TMEM117: variants seen among roughly 807,000 people sequenced by gnomAD.
TMEM117 encodes transmembrane protein 117.
Under a neutral mutation model 52.4 loss-of-function variants are expected in TMEM117, and 27 were observed. The observed-to-expected ratio is 0.51, with a 90% CI of 0.38 to 0.71. TMEM117 has a LOEUF of 0.71. TMEM117 is among the 30% of genes least tolerant of loss of function. TMEM117 has a pLI of 0.00. For missense variants in TMEM117, 556 were observed against 630.5 expected, an observed-to-expected ratio of 0.88 and a Z score of 1.26; for synonymous variants, 215 against 206.3, an observed-to-expected ratio of 1.04 and a Z score of -0.36.
At chr12:44,318,129 G>T (rs1951082958) in intron 6 of TMEM117, among the ~76,000 whole-genome samples, 1 of 152,184 alleles carries the variant, frequency 6.6e-6, no homozygotes, top group Non-Finnish European at 1.5e-5. Flanking sequence ...CTGCACCACA[G>T]TCTCTCCACA....
At chr12:44,095,124 C>T (rs973977298) in intron 3 of TMEM117, among the ~76,000 whole-genome samples, 1 of 152,034 alleles carries the variant, frequency 6.6e-6, no homozygotes, top group African/African-American at 2.4e-5. Flanking sequence ...TAGTGAAAAG[C>T]ACTGTAAGGG....
intron 5 of TMEM117, among the ~76,000 whole-genome samples, chr12:44,233,834 G>A (rs757540047): frequency 8.6e-5 from 13 of 151,196 alleles, no homozygotes; most frequent in Admixed American, 6.6e-5. Context: ...CAAGTTATTC[G>A]TTCTCATTTT....
At chr12:44,348,931 A>G (rs986125683) in intron 6 of TMEM117, among the ~76,000 whole-genome samples, 4 of 152,024 alleles carry the variant, frequency 2.6e-5, no homozygotes, top group African/African-American at 9.7e-5. Context: ...TGATTGTCAG[A>G]GAGATGATTC....
chr12:44,139,765 A>G (rs956862839), intron 3 of TMEM117, among the ~76,000 whole-genome samples: 1 of 152,162 alleles, frequency 6.6e-6, no homozygotes, highest in African/African-American at 2.4e-5. Context: ...AATAAAGTTT[A>G]ATTCTGAATT....
chr12:44,080,146 G>C (rs1264046559), intron 3 of TMEM117, among the ~76,000 whole-genome samples: 1 of 151,432 alleles, frequency 6.6e-6, no homozygotes, highest in Non-Finnish European at 1.5e-5. Context: ...CTTTTCTCAT[G>C]TTTTATTAGT....
intron 5 of TMEM117, among the ~76,000 whole-genome samples, chr12:44,298,000 G>T (rs557361740): frequency 5.1e-4 from 77 of 152,086 alleles, no homozygotes; most frequent in African/African-American, 1.7e-3. Context: ...TCTTTTGAAA[G>T]TTTGCAATTT....
At chr12:43,804,310 A>G in the TMEM117 span, 1,022 of 588,376 alleles carry the variant, frequency 1.7e-3, 11 homozygotes, top group African/African-American at 0.018. Context: ...TGATAGTCAC[A>G]TAATTCAGAA....
intron 3 of TMEM117, chr12:44,010,233 A>G (rs1358271921): frequency 2.1e-6 from 1 of 475,162 alleles, no homozygotes; most frequent in Non-Finnish European, 4.2e-6. Flanking sequence ...GGTTTGGTAC[A>G]ATATCAATGA....
At chr12:44,242,693 T>C (rs1950078342) in intron 5 of TMEM117, among the ~76,000 whole-genome samples, 1 of 145,848 alleles carries the variant, frequency 6.9e-6, no homozygotes, top group East Asian at 2.0e-4. Flanking sequence ...ACATATTATA[T>C]ATGTATATAG....
intron 6 of TMEM117, among the ~76,000 whole-genome samples, chr12:44,308,804 A>G (rs1326141870): frequency 6.6e-6 from 1 of 151,982 alleles, no homozygotes; most frequent in Non-Finnish European, 1.5e-5. Flanking sequence ...TATTTTTAGT[A>G]GAGACGGGGT....
intron 3 of TMEM117, among the ~76,000 whole-genome samples, chr12:44,000,702 T>C (rs542415700): frequency 2.0e-5 from 3 of 152,238 alleles, no homozygotes; most frequent in Admixed American, 2.0e-4. Flanking sequence ...CAGAGAAAAT[T>C]GAATCTCCCT....
chr12:44,070,804 G>A (rs1428715160), intron 3 of TMEM117, among the ~76,000 whole-genome samples: 1 of 152,184 alleles, frequency 6.6e-6, no homozygotes, highest in Non-Finnish European at 1.5e-5. Context: ...GCCTCCTCCA[G>A]TAAATGAGAG....
chr12:44,042,949 C>T (rs1043233911), intron 3 of TMEM117, among the ~76,000 whole-genome samples: 1 of 152,058 alleles, frequency 6.6e-6, no homozygotes, highest in South Asian at 2.1e-4. Context: ...TATGATTAGA[C>T]CCCAAAATGC....
chr12:44,374,939 ATCAG>A (rs543473876), intron 6 of TMEM117, among the ~76,000 whole-genome samples: 147 of 152,234 alleles, frequency 9.7e-4, no homozygotes, highest in African/African-American at 3.3e-3. Context: ...TATTCTGGTT[ATCAG>A]TCATTTTCTT....
chr12:43,863,922 GGCTGCGCCCGGC>G (rs1336538312), intron 2 of TMEM117, among the ~76,000 whole-genome samples: 1 of 152,216 alleles, frequency 6.6e-6, no homozygotes, highest in Admixed American at 6.5e-5. Flanking sequence ...TGGGAACCGG[GGCTGCGCCCGGC>G]GCTTGCGGGC....
chr12:43,860,441 T>TA (rs745553277), intron 2 of TMEM117, among the ~76,000 whole-genome samples: 6 of 152,180 alleles, frequency 3.9e-5, no homozygotes, highest in Non-Finnish European at 8.8e-5. Flanking sequence ...TAAATCATTA[T>TA]ATATTATATC....
intron 6 of TMEM117, among the ~76,000 whole-genome samples, chr12:44,330,792 G>A (rs1026363553): frequency 1.3e-5 from 2 of 151,886 alleles, no homozygotes; most frequent in African/African-American, 2.4e-5. Context: ...TGGAGGTAAC[G>A]TTTCCACCTC....
At chr12:44,025,933 C>G (rs1946526921) in intron 3 of TMEM117, among the ~76,000 whole-genome samples, 1 of 152,080 alleles carries the variant, frequency 6.6e-6, no homozygotes, top group African/African-American at 2.4e-5. Context: ...TGTGTATATC[C>G]TTTTGGAGGA....
At chr12:44,050,105 G>A (rs148572141) in intron 3 of TMEM117, among the ~76,000 whole-genome samples, 38 of 152,320 alleles carry the variant, frequency 2.5e-4, no homozygotes, top group African/African-American at 8.7e-4. Flanking sequence ...AGCTCAACAC[G>A]TGAGCAAAGC....
Sources: gnomAD v4.1 joint callset for allele counts (sites outside exome capture counted in the v4.1 genomes callset) on GRCh38, gnomAD v4.1.1 for gene constraint, MANE v1.5 for transcripts, NCBI Gene and HGNC (gene_info 2026-07-23, HGNC 2026-07-21) for gene names.